Variants in EZH2 observed in about 807,000 individuals in gnomAD.
EZH2 encodes the protein enhancer of zeste 2 polycomb repressive complex 2 subunit.
EZH2 carries 18 observed loss-of-function variants against 98.4 expected under a neutral mutation model. That is an observed-to-expected ratio of 0.18 (90% CI 0.13 to 0.27). EZH2 has a LOEUF of 0.27. Among genes scored for constraint, EZH2 ranks in the 10% least tolerant of loss-of-function variants. EZH2 has a pLI of 1.00. For synonymous variants in EZH2, 338 were observed against 312.3 expected (o/e 1.08, Z -0.87); for missense variants, 470 against 935.1 (o/e 0.50, Z 6.49).
intron 15 of EZH2, among the ~76,000 whole-genome samples, chr7:148,813,329 C>A (rs1174355338): frequency 1.2e-5 from 1 of 80,194 alleles, no homozygotes; most frequent in East Asian, 3.6e-4. Flanking sequence ...ATCATCTGCC[C>A]TAAAAAAAAA....
chr7:148,843,012 A>G (rs1585126491), intron 3 of EZH2, among the ~76,000 whole-genome samples: 1 of 152,218 alleles, frequency 6.6e-6, no homozygotes, highest in East Asian at 1.9e-4. Context: ...GTTCGAGACC[A>G]GCCTGACCAA....
At chr7:148,832,815 T>A (rs1174711231) in intron 3 of EZH2, 65 bp from the exon 4 acceptor site, 13 of 1,014,310 alleles carry the variant, frequency 1.3e-5, no homozygotes, top group Non-Finnish European at 1.8e-5. Context: ...GTAGCCATCA[T>A]ATTGTAAAGA....
rs1392250326 is a variant in EZH2, at chr7:148,809,067, C to T, written c.2195+4G>A. On this transcript the variant is annotated splice_donor_region_variant and intron_variant, in intron 19 of 19. Coordinates refer to ENST00000320356, the MANE Select transcript of EZH2 (RefSeq NM_004456.5). Reference sequence around the variant, plus strand: ...AGATCATGCTAGAAATGTACTTTACCAACCTGTAATCAAAAAACAGCTCTT... The same window carrying T: ...AGATCATGCTAGAAATGTACTTTACTAACCTGTAATCAAAAAACAGCTCTT... 1 of 1,612,856 alleles carries T rather than the reference C, an allele frequency of 6.2e-7. No individual in the cohort carries two copies. Among genetic ancestry groups the T allele is most frequent in the Non-Finnish European group, 8.5e-7 (1 of 1,178,866 alleles).
chr7:148,858,367 A>C (rs1563051664), intron 1 of EZH2, among the ~76,000 whole-genome samples: 1 of 151,874 alleles, frequency 6.6e-6, no homozygotes, highest in Non-Finnish European at 1.5e-5. Flanking sequence ...GGCAGGGCTC[A>C]CTCTGTTCCC....
intron 3 of EZH2, 33 bp from the exon 4 acceptor site, chr7:148,832,783 A>C: frequency 1.5e-6 from 2 of 1,358,384 alleles, no homozygotes; most frequent in Non-Finnish European, 2.1e-6. Context: ...GACTCTTAAG[A>C]ATAAAAGGAC....
Position 148,847,228 on chromosome 7 carries a change from A to G in EZH2, c.71T>C (p.Met24Thr), listed in dbSNP as rs2129485374. Residue 24 changes from methionine to threonine, a missense_variant, in exon 2 of 20, where the codon ATG (methionine) becomes ACG (threonine). Met to Thr is a moderately conservative substitution (Grantham distance 81, BLOSUM62 -1). Around this residue, in one of 6 missense-constraint regions of EZH2, gnomAD observed 79 missense variants for 122.1 expected, o/e 0.65. Transcript: ENST00000320356. ...GAACCTCTTGAGCTGTCTCAGTCGC[A>G]TGTACTCTGATTTTACACGCTTCCG... ...CWRKRVKSEY[M>T]RLRQLKRFRR... 6.2e-7 allele frequency: 1 copy of G among 1,613,934 alleles called. No homozygotes were observed. The highest frequency in any genetic ancestry group is 1.3e-5 in the African/African-American group (1 of 75,046).
chr7:148,826,783 T>C lies in EZH2; in HGVS notation c.729-151A>G, dbSNP rs186936803. The C allele has an allele frequency of 7.1e-4, 363 of 511,804 alleles. 2 individuals are homozygous for C. In the East Asian group the frequency reaches 0.012, roughly 16 times the overall value. The allele number at this position is 511,804 out of a possible 1,614,324, so 31.7% of individuals were successfully genotyped here. On this transcript the variant is annotated intron_variant, in intron 7 of 19. Coordinates refer to ENST00000320356, the MANE Select transcript of EZH2 (RefSeq NM_004456.5). ...CTATTTAGATAAAGAGCCAACTAAA[T>C]ATTGTGCATGGTGTTATCAAGAATC...
chr7:148,846,630 G>T, intron 2 of EZH2, 32 bp from the exon 3 acceptor site: 2 of 1,595,440 alleles, frequency 1.3e-6, no homozygotes, highest in Non-Finnish European at 1.7e-6. Flanking sequence ...GAGGAAAGGA[G>T]AAATTGTTCA....
chr7:148,866,302 T>C (rs1818432124), intron 1 of EZH2, among the ~76,000 whole-genome samples: 1 of 151,842 alleles, frequency 6.6e-6, no homozygotes, highest in African/African-American at 2.4e-5. Flanking sequence ...TATTAAGAGA[T>C]GGGGCCTTTC....
chr7:148,827,007 A>G (rs1807902305), intron 7 of EZH2, among the ~76,000 whole-genome samples, 157 bp downstream of exon 7: 1 of 152,262 alleles, frequency 6.6e-6, no homozygotes, highest in South Asian at 2.1e-4. Context: ...TTTGTAATGC[A>G]GAGTACCACA....
At chr7:148,873,557 ATTTT>A (rs58553084) in intron 1 of EZH2, among the ~76,000 whole-genome samples, 4,631 of 79,792 alleles carry the variant, frequency 0.058, 59 homozygotes, top group Middle Eastern at 0.068. Context: ...CATGCTCTTC[ATTTT>A]TTTTTTTTTT....
chr7:148,815,071 A>T, intron 13 of EZH2, 32 bp from the exon 14 acceptor site: 1 of 1,607,152 alleles, frequency 6.2e-7, no homozygotes. Context: ...CAGGCCAATG[A>T]ATCCAGGGAG....
At chr7:148,830,681 A>G (rs1001301426) in intron 4 of EZH2, among the ~76,000 whole-genome samples, 1 of 152,230 alleles carries the variant, frequency 6.6e-6, no homozygotes, top group Admixed American at 6.5e-5. Context: ...GTGCTAGTAA[A>G]GATGATAGAT....
At chr7:148,815,476 T>C (rs779789517) in intron 13 of EZH2, 30 bp downstream of exon 13, 1 of 1,602,396 alleles carries the variant, frequency 6.2e-7, no homozygotes, top group Non-Finnish European at 8.6e-7. Context: ...ATTGTTAAGC[T>C]AATAATGAGA....
chr7:148,815,599 C>A lies in EZH2; in HGVS notation c.1506-53G>T. The A allele has an allele frequency of 4.0e-6, 6 of 1,495,366 alleles. No individual in the cohort carries two copies. In the South Asian group the frequency reaches 6.8e-5, roughly 17 times the overall value. The allele number at this position is 1,495,366 out of a possible 1,614,324, so 92.6% of individuals were successfully genotyped here. ...AAATTTCTGCGGGAAGCTACAAATCCAACAGAGAGCTGCTTAACTGGATCT... is the reference window on the plus strand; with the variant it reads ...AAATTTCTGCGGGAAGCTACAAATCAAACAGAGAGCTGCTTAACTGGATCT... On this transcript the variant is annotated intron_variant, in intron 12 of 19. Coordinates refer to ENST00000320356, the MANE Select transcript of EZH2 (RefSeq NM_004456.5).
chr7:148,849,114 T>C (rs570766872), intron 1 of EZH2, among the ~76,000 whole-genome samples: 1 of 152,326 alleles, frequency 6.6e-6, no homozygotes, highest in East Asian at 1.9e-4. Context: ...TCTTTTTTTT[T>C]CTGAATATTT....
At chr7:148,829,607 T>C (rs955111591) in intron 5 of EZH2, 121 bp downstream of exon 5, 11 of 1,078,918 alleles carry the variant, frequency 1.0e-5, no homozygotes, top group East Asian at 5.5e-5. Flanking sequence ...CAGTCCCTTA[T>C]AGTTCAGTGC....
At chr7:148,853,339 G>T (rs1816196842) in intron 1 of EZH2, among the ~76,000 whole-genome samples, 1 of 152,172 alleles carries the variant, frequency 6.6e-6, no homozygotes, top group Admixed American at 6.5e-5. Context: ...TTGAACCTGG[G>T]AGGCAGAGGT....
chr7:148,880,519 A>T (rs1337108419), intron 1 of EZH2, among the ~76,000 whole-genome samples: 1 of 152,260 alleles, frequency 6.6e-6, no homozygotes, highest in Non-Finnish European at 1.5e-5. Context: ...CAGATGATTC[A>T]TCAAGTTCTC....
Sources: allele counts gnomAD v4.1 joint callset (sites outside exome capture counted in the v4.1 genomes callset), GRCh38; gene constraint gnomAD v4.1.1; regional missense constraint gnomAD v4.1.1; transcripts MANE v1.5; gene names NCBI Gene and HGNC (gene_info 2026-07-23, HGNC 2026-07-21).